Variants in CDH4 observed in about 807,000 individuals in gnomAD.
CDH4 encodes the protein cadherin-4.
In CDH4, 33 loss-of-function variants were observed where a neutral mutation model predicts 86.0. That is an observed-to-expected ratio of 0.38 (90% CI 0.29 to 0.51). CDH4 has a LOEUF of 0.51. Ranked by LOEUF, CDH4 falls within the 20% of genes least tolerant of loss-of-function variation. The pLI, the probability that CDH4 is intolerant of heterozygous loss-of-function variation, is 0.86. For missense variants in CDH4, 1,114 were observed against 1,307.4 expected (o/e 0.85, Z 2.28); for synonymous variants, 555 against 549.4 (o/e 1.01, Z -0.14).
intron 2 of CDH4, among the ~76,000 whole-genome samples, chr20:61,261,954 G>A (rs2084129729): frequency 6.6e-6 from 1 of 152,182 alleles, no homozygotes; most frequent in Non-Finnish European, 1.5e-5. Flanking sequence ...AGCATGCAGC[G>A]AGCAGTCCCA....
chr20:61,264,929 C>T (rs1322674669), intron 2 of CDH4, among the ~76,000 whole-genome samples: 1 of 145,086 alleles, frequency 6.9e-6, no homozygotes, highest in Non-Finnish European at 1.5e-5. Flanking sequence ...ACCTCAGTGG[C>T]TCCTTCATTC....
chr20:61,381,026 C>T (rs953123534), intron 2 of CDH4, among the ~76,000 whole-genome samples: 23 of 152,148 alleles, frequency 1.5e-4, no homozygotes, highest in African/African-American at 5.1e-4. Flanking sequence ...TGTCTGAATT[C>T]GGCAGATGGA....
intron 2 of CDH4, among the ~76,000 whole-genome samples, chr20:61,492,143 C>T (rs1036017906): frequency 8.5e-5 from 11 of 128,938 alleles, no homozygotes; most frequent in African/African-American, 2.1e-4. Context: ...TTGGTGGTGT[C>T]GATATTGCTG....
chr20:61,629,746 C>T (rs1468329676), intron 2 of CDH4, among the ~76,000 whole-genome samples: 1 of 152,198 alleles, frequency 6.6e-6, no homozygotes, highest in South Asian at 2.1e-4. Context: ...AACTGTCCCA[C>T]GCGGCTCCCT....
At chr20:61,795,280 A>G (rs913794470) in intron 4 of CDH4, among the ~76,000 whole-genome samples, 2 of 151,342 alleles carry the variant, frequency 1.3e-5, no homozygotes, top group Non-Finnish European at 2.9e-5. Context: ...CATAAAAGCC[A>G]TCACCTTCCC....
intron 14 of CDH4, among the ~76,000 whole-genome samples, chr20:61,933,690 C>T (rs1398524661): frequency 1.4e-5 from 2 of 146,248 alleles, no homozygotes; most frequent in East Asian, 1.9e-4. Flanking sequence ...CCGCCCCTCC[C>T]GCAACACGAC....
intron 2 of CDH4, among the ~76,000 whole-genome samples, chr20:61,715,255 G>A (rs2087940546): frequency 6.6e-6 from 1 of 152,172 alleles, no homozygotes; most frequent in Non-Finnish European, 1.5e-5. Context: ...TGATGGGATT[G>A]TTCCTTTTTT....
At chr20:61,806,197 C>A (rs929664436) in intron 4 of CDH4, among the ~76,000 whole-genome samples, 1 of 152,216 alleles carries the variant, frequency 6.6e-6, no homozygotes, top group Non-Finnish European at 1.5e-5. Flanking sequence ...CCAAAAGGAC[C>A]CTTGCGTCTT....
chr20:61,403,279 G>C (rs762686007), intron 2 of CDH4, among the ~76,000 whole-genome samples: 2 of 152,184 alleles, frequency 1.3e-5, no homozygotes, highest in African/African-American at 2.4e-5. Context: ...CAGATTTTGG[G>C]CTTCACTTAC....
chr20:61,886,994 C>T (rs774714751), intron 7 of CDH4, among the ~76,000 whole-genome samples: 3 of 152,076 alleles, frequency 2.0e-5, no homozygotes, highest in Non-Finnish European at 2.9e-5. Context: ...GTCGAAACCT[C>T]CAGCCAAGCC....
chr20:61,339,396 T>C (rs1273068755), intron 2 of CDH4, among the ~76,000 whole-genome samples: 2 of 152,148 alleles, frequency 1.3e-5, no homozygotes, highest in South Asian at 4.1e-4. Context: ...GAAGCAAAGA[T>C]GATGAATGTT....
At chr20:61,658,769 C>T (rs534354808) in intron 2 of CDH4, among the ~76,000 whole-genome samples, 8 of 152,180 alleles carry the variant, frequency 5.3e-5, no homozygotes, top group Non-Finnish European at 1.2e-4. Flanking sequence ...ATACCACCCC[C>T]CCACTCCCAG....
intron 2 of CDH4, among the ~76,000 whole-genome samples, chr20:61,601,490 G>A (rs529381386): frequency 9.2e-5 from 14 of 152,282 alleles, no homozygotes; most frequent in Non-Finnish European, 1.3e-4. Flanking sequence ...GGCAGCCTGC[G>A]GCCCAACACT....
rs557108353 is a variant in CDH4, at chr20:61,435,122, G to A, written c.169+180185G>A. Among the ~76,000 whole-genome samples the A allele has an allele frequency of 8.5e-5, 13 of 152,312 alleles. 1 individual carries two copies. The South Asian group carries it at 2.7e-3, about 32-fold the overall frequency. On this transcript the variant is annotated intron_variant, in intron 2 of 15. Coordinates refer to ENST00000614565, the MANE Select transcript of CDH4 (RefSeq NM_001794.5). ...TTTGCTGAAGCCGGATTGTGAGATTGTGTAGGCAGACGTGGCTTTTCTTCT... is the reference window on the plus strand; with the variant it reads ...TTTGCTGAAGCCGGATTGTGAGATTATGTAGGCAGACGTGGCTTTTCTTCT...
chr20:61,767,446 G>A (rs1255443124), intron 3 of CDH4, among the ~76,000 whole-genome samples: 1 of 152,226 alleles, frequency 6.6e-6, no homozygotes, highest in Non-Finnish European at 1.5e-5. Context: ...TCCCTGCCGT[G>A]TGGAGTGTGG....
chr20:61,928,495 C>T (rs1026377684), intron 12 of CDH4, 72 bp downstream of exon 12: 4 of 1,365,404 alleles, frequency 2.9e-6, no homozygotes, highest in Non-Finnish European at 3.1e-6. Context: ...CCCAGCTGGC[C>T]TTGGAAGAGT....
chr20:61,665,134 G>A (rs1053267096), intron 2 of CDH4, among the ~76,000 whole-genome samples: 4 of 152,204 alleles, frequency 2.6e-5, no homozygotes, highest in South Asian at 2.1e-4. Flanking sequence ...CAATCCAGCC[G>A]GATCCGGGTG....
At chr20:61,802,748 G>A (rs575649621) in intron 4 of CDH4, among the ~76,000 whole-genome samples, 3 of 152,340 alleles carry the variant, frequency 2.0e-5, no homozygotes, top group Non-Finnish European at 4.4e-5. Flanking sequence ...TGCCACCTGG[G>A]CCTAGACGGG....
At chr20:61,786,723 T>G in intron 4 of CDH4, among the ~76,000 whole-genome samples, 1 of 152,210 alleles carries the variant, frequency 6.6e-6, no homozygotes, top group Non-Finnish European at 1.5e-5. Context: ...TTTAATTTTG[T>G]CACTGAATTG....
Sources: gnomAD v4.1 joint callset for allele counts (sites outside exome capture counted in the v4.1 genomes callset) on GRCh38, gnomAD v4.1.1 for gene constraint, MANE v1.5 for transcripts, NCBI Gene and HGNC (gene_info 2026-07-23, HGNC 2026-07-21) for gene names.